The following MAST4 variants were observed in gnomAD, a reference collection of about 807,000 sequenced individuals.
MAST4 encodes the protein microtubule associated serine/threonine kinase family member 4, also known as microtubule-associated serine/threonine-protein kinase 4.
A neutral mutation model predicts 162.7 loss-of-function variants in MAST4; 89 were observed. The ratio of observed to expected loss-of-function variants is 0.55; its 90% confidence interval spans 0.46 to 0.65. The LOEUF (loss-of-function observed/expected upper bound fraction) is 0.65, where lower values mean the gene tolerates loss of function less well. Among genes scored for constraint, MAST4 ranks in the 30% least tolerant of loss-of-function variants. MAST4 has a pLI of 0.00. For missense variants in MAST4, 3,153 were observed against 3,374.0 expected (o/e 0.93, Z 1.62); for synonymous variants, 1,479 against 1,361.1 (o/e 1.09, Z -1.91).
chr5:66,785,081 A>G (rs1463926041), intron 2 of MAST4, among the ~76,000 whole-genome samples: 2 of 152,150 alleles, frequency 1.3e-5, no homozygotes, highest in Admixed American at 1.3e-4. Context: ...AAAAACAAAA[A>G]TTAGCTGGGC....
intron 5 of MAST4, among the ~76,000 whole-genome samples, chr5:67,078,823 T>A (rs1396880729): frequency 2.4e-5 from 3 of 126,466 alleles, no homozygotes; most frequent in Non-Finnish European, 3.2e-5. Context: ...TATTTTTATA[T>A]TTATATTTAT....
chr5:67,140,020 G>C (rs1217055078), intron 19 of MAST4, among the ~76,000 whole-genome samples: 2 of 152,220 alleles, frequency 1.3e-5, no homozygotes, highest in South Asian at 4.1e-4. Flanking sequence ...TAGCAGGCAG[G>C]GGGTAAAACC....
At chr5:66,628,193 G>A (rs982952921) in intron 1 of MAST4, among the ~76,000 whole-genome samples, 2 of 151,908 alleles carry the variant, frequency 1.3e-5, no homozygotes, top group African/African-American at 4.8e-5. Context: ...CCACCACACT[G>A]GCTAAATATT....
chr5:66,922,232 G>T (rs1764587302), intron 4 of MAST4, among the ~76,000 whole-genome samples: 1 of 152,230 alleles, frequency 6.6e-6, no homozygotes, highest in South Asian at 2.1e-4. Context: ...TTACCTGAGT[G>T]CTCGTCTTCC....
intron 3 of MAST4, among the ~76,000 whole-genome samples, chr5:66,860,325 A>T (rs1486861280): frequency 6.6e-6 from 1 of 152,332 alleles, no homozygotes; most frequent in Non-Finnish European, 1.5e-5. Context: ...AAAATCACAG[A>T]TCCACAAGGG....
intron 2 of MAST4, among the ~76,000 whole-genome samples, chr5:66,775,950 A>G (rs1754581564): frequency 6.6e-6 from 1 of 152,240 alleles, no homozygotes. Context: ...GGTAGCATAC[A>G]TAGATATTGT....
At chr5:66,811,648 G>T (rs1026937351) in intron 3 of MAST4, among the ~76,000 whole-genome samples, 2 of 152,182 alleles carry the variant, frequency 1.3e-5, no homozygotes, top group Non-Finnish European at 2.9e-5. Context: ...TTAGTAGTCA[G>T]TCATGTCAAG....
intron 4 of MAST4, among the ~76,000 whole-genome samples, chr5:67,017,508 T>C (rs535965902): frequency 4.6e-5 from 7 of 152,194 alleles, no homozygotes; most frequent in Non-Finnish European, 1.0e-4. Flanking sequence ...GGTAAAATCA[T>C]CCTTTTTCAG....
At chr5:67,149,305 T>C in intron 23 of MAST4, 84 bp from the exon 24 acceptor site, 2 of 1,260,592 alleles carry the variant, frequency 1.6e-6, no homozygotes, top group Middle Eastern at 2.6e-4. Flanking sequence ...GCGTTTACTC[T>C]TCCTGCTGTC....
At chr5:66,965,728 AGATT>A (rs1746652134) in intron 4 of MAST4, among the ~76,000 whole-genome samples, 1 of 152,136 alleles carries the variant, frequency 6.6e-6, no homozygotes, top group Non-Finnish European at 1.5e-5. Context: ...AACTGTATAG[AGATT>A]GATATAAACT....
intron 1 of MAST4, among the ~76,000 whole-genome samples, chr5:66,720,259 G>A (rs1037497545): frequency 1.3e-5 from 2 of 151,804 alleles, no homozygotes; most frequent in Non-Finnish European, 2.9e-5. Flanking sequence ...CCAACGTTAT[G>A]CTGACTTCTG....
intron 26 of MAST4, among the ~76,000 whole-genome samples, chr5:67,157,916 C>A (rs1269642112): frequency 6.6e-6 from 1 of 152,142 alleles, no homozygotes; most frequent in East Asian, 1.9e-4. Flanking sequence ...TAAATCTATG[C>A]TTTTAAAAAG....
At chr5:66,884,242 AT>A (rs1264696461) in intron 3 of MAST4, among the ~76,000 whole-genome samples, 1 of 152,228 alleles carries the variant, frequency 6.6e-6, no homozygotes, top group Non-Finnish European at 1.5e-5. Flanking sequence ...AATGCTAATG[AT>A]TGTAAAAAGT....
intron 2 of MAST4, among the ~76,000 whole-genome samples, chr5:66,772,161 A>G (rs1057179270): frequency 2.0e-5 from 3 of 152,196 alleles, no homozygotes; most frequent in African/African-American, 7.2e-5. Flanking sequence ...CTCACACTTC[A>G]TGTCCTTGAG....
chr5:66,852,634 C>T (rs1335525769), intron 3 of MAST4, among the ~76,000 whole-genome samples: 1 of 152,126 alleles, frequency 6.6e-6, no homozygotes, highest in African/African-American at 2.4e-5. Flanking sequence ...TTTTGCACAA[C>T]TGAAATTCAT....
intron 2 of MAST4, among the ~76,000 whole-genome samples, chr5:66,781,147 A>G (rs1340802501): frequency 6.6e-6 from 1 of 152,208 alleles, no homozygotes; most frequent in Non-Finnish European, 1.5e-5. Flanking sequence ...TAATGCTGCC[A>G]TGAACATGGG....
chr5:66,918,205 G>A (rs992866571), intron 4 of MAST4, among the ~76,000 whole-genome samples: 1 of 152,086 alleles, frequency 6.6e-6, no homozygotes, highest in African/African-American at 2.4e-5. Flanking sequence ...AGCTTAAGGG[G>A]TTAAAGTTTT....
In MAST4 at chr5:66,929,317, G is replaced by A. The variant is rs557231211; in HGVS notation, c.674+29335G>A. ...TCCCACCTCTAGGAAATGGAGAGGA[G>A]GAAATCACCTTTCCTCAGTCTTTTT... On this transcript the variant is annotated intron_variant, in intron 4 of 28. Coordinates refer to ENST00000403625, the MANE Select transcript of MAST4 (RefSeq NM_001164664.2). Among the ~76,000 whole-genome samples, 8 of 152,208 alleles carry A rather than the reference G, an allele frequency of 5.3e-5. No individual in the cohort carries two copies. In the South Asian group the frequency reaches 1.7e-3, roughly 32 times the overall value.
At chr5:66,639,204 T>A (rs1252892048) in intron 1 of MAST4, among the ~76,000 whole-genome samples, 1 of 151,344 alleles carries the variant, frequency 6.6e-6, no homozygotes, top group Non-Finnish European at 1.5e-5. Context: ...GATAGAATGA[T>A]GTCATGGGAA....
Sources: gnomAD v4.1 joint callset for allele counts (sites outside exome capture counted in the v4.1 genomes callset) on GRCh38, gnomAD v4.1.1 for gene constraint, MANE v1.5 for transcripts, NCBI Gene and HGNC (gene_info 2026-07-23, HGNC 2026-07-21) for gene names.